Variants in ATR observed in about 807,000 individuals in gnomAD.
ATR encodes the protein serine/threonine-protein kinase ATR.
A neutral mutation model predicts 305.3 loss-of-function variants in ATR; 142 were observed. The observed-to-expected ratio is 0.47, with a 90% confidence interval of 0.41 to 0.53. ATR has a LOEUF of 0.53. ATR is among the 20% of genes least tolerant of loss of function. The probability of loss-of-function intolerance (pLI) is 0.00; values close to 1 mark genes in which losing one functional copy is unlikely to be tolerated. For synonymous variants in ATR, 1,050 were observed against 1,068.1 expected (o/e 0.98, Z 0.33); for missense variants, 2,135 against 3,133.1 (o/e 0.68, Z 7.60).
intron 27 of ATR, among the ~76,000 whole-genome samples, chr3:142,509,632 C>T (rs1382000483): frequency 7.0e-6 from 1 of 143,160 alleles, no homozygotes; most frequent in Non-Finnish European, 1.5e-5. Context: ...TCTTGTCTCA[C>T]CGTAGCCTCA....
chr3:142,541,185 T>G, intron 17 of ATR, 151 bp from the exon 18 acceptor site: 2 of 1,008,998 alleles, frequency 2.0e-6, no homozygotes, highest in Non-Finnish European at 3.0e-6. Flanking sequence ...CCAGTTTGTT[T>G]TGTCCAATTG....
In ATR at chr3:142,467,945, A is replaced by C; in HGVS notation, c.6676T>G (p.Cys2226Gly). Residue 2226 changes from cysteine (C) to glycine (G), a missense_variant, in exon 39 of 47, where the codon TGC becomes GGC. Cys to Gly is a radical substitution (Grantham distance 159, BLOSUM62 -3). Transcript: ENST00000350721. ...GATTATGATAGTACCGGTTTATTGC[A>C]CAATTCTAGAAGCTTATCTGTTAGG... Reference protein sequence around the residue: ...TRLTDKLLELCNKPVDGSSST... With the variant: ...TRLTDKLLELGNKPVDGSSST... 3 of 1,612,836 alleles carry C rather than the reference A, an allele frequency of 1.9e-6. No homozygotes were observed. Among genetic ancestry groups the C allele is most frequent in the Non-Finnish European group, 2.5e-6 (3 of 1,179,402 alleles).
chr3:142,496,947 C>T (rs576679693), intron 33 of ATR, 66 bp downstream of exon 33: 255 of 1,513,718 alleles, frequency 1.7e-4, no homozygotes, highest in Non-Finnish European at 2.1e-4. Flanking sequence ...TACAAACACC[C>T]CCAAATAATA....
chr3:142,517,006 T>C (rs552324888), intron 24 of ATR, among the ~76,000 whole-genome samples: 213 of 148,258 alleles, frequency 1.4e-3, no homozygotes, highest in South Asian at 2.3e-3. Context: ...TATATATATA[T>C]ACATATTTCA....
chr3:142,499,530 A>G (rs1262249856), intron 31 of ATR, 97 bp downstream of exon 31: 7 of 1,062,894 alleles, frequency 6.6e-6, no homozygotes, highest in African/African-American at 6.3e-5. Context: ...TCCTGACCTC[A>G]TGATCCGCCC....
rs187278352 is a variant in ATR, at chr3:142,576,413, A to G, written c.59+2233T>C. Among the ~76,000 whole-genome samples the G allele has an allele frequency of 8.5e-5, 13 of 152,322 alleles. No individual in the cohort carries two copies. In the East Asian group the frequency reaches 2.5e-3, roughly 29 times the overall value. ...TATGGATGACATTTAAAGCCATGAG[A>G]TTAGGTAAGATTACTTGGGAAGACA... On this transcript the variant is annotated intron_variant, in intron 1 of 46. Transcript: ENST00000350721.
chr3:142,553,445 C>T, intron 12 of ATR, 47 bp from the exon 13 acceptor site: 1 of 1,538,750 alleles, frequency 6.5e-7, no homozygotes, highest in African/African-American at 1.4e-5. Context: ...CACACACACA[C>T]ACACACACAC....
chr3:142,517,508 T>G (rs1308991814), intron 24 of ATR, among the ~76,000 whole-genome samples: 1 of 152,130 alleles, frequency 6.6e-6, no homozygotes, highest in African/African-American at 2.4e-5. Context: ...TATTTTAGTT[T>G]TTCATACAAA....
intron 1 of ATR, 66 bp from the exon 2 acceptor site, chr3:142,568,220 T>C: frequency 1.5e-6 from 2 of 1,292,904 alleles, no homozygotes; most frequent in Non-Finnish European, 1.1e-6. Flanking sequence ...AAAAAATTTC[T>C]CTAAAGTAGA....
intron 8 of ATR, among the ~76,000 whole-genome samples, chr3:142,557,392 C>T (rs182402838): frequency 7.3e-4 from 111 of 152,142 alleles, no homozygotes; most frequent in Non-Finnish European, 1.3e-3. Flanking sequence ...CTGATAGTGT[C>T]CATCCAAATT....
intron 26 of ATR, among the ~76,000 whole-genome samples, chr3:142,512,678 C>T (rs2032638515): frequency 2.0e-5 from 3 of 151,948 alleles, no homozygotes; most frequent in Non-Finnish European, 4.4e-5. Context: ...CATGGTGAAA[C>T]CCTGTCTATA....
intron 45 of ATR, among the ~76,000 whole-genome samples, chr3:142,456,107 C>T (rs900086440): frequency 2.7e-5 from 4 of 150,846 alleles, no homozygotes; most frequent in African/African-American, 9.8e-5. Flanking sequence ...CTTGAGCTTA[C>T]GAGTTCAAGA....
At chr3:142,538,227 C>T (rs1339461883) in intron 19 of ATR, among the ~76,000 whole-genome samples, 1 of 152,120 alleles carries the variant, frequency 6.6e-6, no homozygotes, top group Non-Finnish European at 1.5e-5. Context: ...AATTAGGTTA[C>T]ACATTTACAG....
chr3:142,513,442 T>A, intron 26 of ATR, 59 bp downstream of exon 26: 1 of 1,574,790 alleles, frequency 6.4e-7, no homozygotes, highest in Non-Finnish European at 8.7e-7. Context: ...CTAATACTAA[T>A]TACATTGGAG....
chr3:142,517,084 G>A (rs1371824852), intron 24 of ATR, among the ~76,000 whole-genome samples: 1 of 149,896 alleles, frequency 6.7e-6, no homozygotes, highest in Non-Finnish European at 1.5e-5. Flanking sequence ...ACTAAACCAG[G>A]AGAAAAAATT....
At chr3:142,453,365 A>C (rs2070834220) in intron 45 of ATR, 132 bp from the exon 46 acceptor site, 1 of 1,204,636 alleles carries the variant, frequency 8.3e-7, no homozygotes, top group South Asian at 1.5e-5. Context: ...GTCTTCATTA[A>C]GTTATGTGAA....
intron 16 of ATR, among the ~76,000 whole-genome samples, chr3:142,544,452 CAAAAAAAAAAAAAAA>C (rs57120276): frequency 2.1e-4 from 4 of 18,962 alleles, no homozygotes; most frequent in East Asian, 2.3e-3. Context: ...ATCCTGCCTC[CAAAAAAAAAAAAAAA>C]AAAAAAAAAA....
At chr3:142,555,193 G>A (rs1473241274) in intron 10 of ATR, among the ~76,000 whole-genome samples, 10 of 151,618 alleles carry the variant, frequency 6.6e-5, no homozygotes, top group African/African-American at 2.2e-4. Flanking sequence ...CCAAGATGGC[G>A]CCATTGTACT....
intron 21 of ATR, 125 bp downstream of exon 21, chr3:142,534,955 A>C (rs2033799812): frequency 3.7e-6 from 4 of 1,069,374 alleles, no homozygotes; most frequent in Non-Finnish European, 1.3e-6. Flanking sequence ...CAGATCTGAT[A>C]ATTCAGGTAA....
Sources: allele counts gnomAD v4.1 joint callset (sites outside exome capture counted in the v4.1 genomes callset), GRCh38; gene constraint gnomAD v4.1.1; transcripts MANE v1.5; gene names NCBI Gene and HGNC (gene_info 2026-07-23, HGNC 2026-07-21).